Variants in RHOQ observed in about 807,000 individuals in gnomAD.
RHOQ encodes the protein rho-related GTP-binding protein RhoQ.
RHOQ carries 7 observed loss-of-function variants against 25.8 expected under a neutral mutation model. The ratio of observed to expected loss-of-function variants is 0.27; its 90% CI spans 0.15 to 0.51. The LOEUF (loss-of-function observed/expected upper bound fraction) is 0.51, where lower values mean the gene tolerates loss of function less well. Among genes scored for constraint, RHOQ ranks in the 20% least tolerant of loss-of-function variants. The probability of loss-of-function intolerance (pLI) is 0.97; values close to 1 mark genes in which losing one functional copy is unlikely to be tolerated. For missense variants in RHOQ, 165 were observed against 260.6 expected (o/e 0.63, Z 2.53); for synonymous variants, 97 against 98.6 (o/e 0.98, Z 0.10).
At chr2:46,561,355 A>G (rs1668572981) in intron 2 of RHOQ, among the ~76,000 whole-genome samples, 1 of 152,092 alleles carries the variant, frequency 6.6e-6, no homozygotes, top group African/African-American at 2.4e-5. Flanking sequence ...AGAGTATTCC[A>G]GGCCAAGAAA....
chr2:46,564,816 G>A (rs1330956946), intron 2 of RHOQ, among the ~76,000 whole-genome samples: 1 of 152,248 alleles, frequency 6.6e-6, no homozygotes, highest in African/African-American at 2.4e-5. Flanking sequence ...TGCTCTGGTA[G>A]AAGTGTCAGA....
intron 2 of RHOQ, among the ~76,000 whole-genome samples, chr2:46,544,196 C>T (rs974302593): frequency 6.6e-6 from 1 of 152,170 alleles, no homozygotes; most frequent in African/African-American, 2.4e-5. Context: ...GGTGAGTGGT[C>T]TGCCTGCCCA....
chr2:46,552,773 G>T lies in RHOQ; in HGVS notation c.201+8961G>T, dbSNP rs1236497687. The stretch of plus-strand genomic sequence containing the variant: ...GTGTTAGAAGATCTGTCAGGCACAG[G>T]CCTGGCCCCCAGAGGCACAGTGTTT... On this transcript the variant is annotated intron_variant, in intron 2 of 4. Transcript: ENST00000238738. The surrounding 1 kb of genome is among the most constrained non-coding windows in gnomAD (Gnocchi z 5.0). Among the ~76,000 whole-genome samples, 2 of 152,236 alleles carry T rather than the reference G, an allele frequency of 1.3e-5. No individual in the cohort carries two copies. The highest frequency in any genetic ancestry group is 4.8e-5 in the African/African-American group (2 of 41,454).
At chr2:46,543,230 C>T (rs1667892082) in intron 1 of RHOQ, 42 bp downstream of exon 1, 1 of 1,608,334 alleles carries the variant, frequency 6.2e-7, no homozygotes, top group Non-Finnish European at 8.5e-7. Context: ...CTCCCCGGGC[C>T]GGGAACTTTG....
intron 4 of RHOQ, among the ~76,000 whole-genome samples, chr2:46,579,147 T>C (rs988534668): frequency 6.6e-6 from 1 of 152,216 alleles, no homozygotes; most frequent in African/African-American, 2.4e-5. Context: ...CAGTATGATC[T>C]CATTTCTAGA....
rs917429531 is a variant in RHOQ, at chr2:46,543,201, ACTG to A, written c.142+17_142+19del. 3.1e-6 allele frequency: 5 copies of A among 1,610,608 alleles called. No individual in the cohort carries two copies. The highest frequency in any genetic ancestry group is 4.2e-6 in the Non-Finnish European group (5 of 1,178,770). On this transcript the variant is annotated intron_variant, in intron 1 of 4. Coordinates refer to ENST00000238738, the MANE Select transcript of RHOQ (RefSeq NM_012249.4). ...GACCACTACGCAGGTAAGCCTCGGA[ACTG>A]CTGACTAAGGGGCCGCTCCCCGGGC...
intron 2 of RHOQ, among the ~76,000 whole-genome samples, chr2:46,546,451 C>CATATATATATATATAT (rs58602087): frequency 2.1e-5 from 1 of 47,128 alleles, no homozygotes; most frequent in Non-Finnish European, 4.3e-5. Flanking sequence ...TACACATATA[C>CATATATATATATATAT]ATATATATAT....
intron 2 of RHOQ, among the ~76,000 whole-genome samples, chr2:46,549,744 G>A (rs879805538): frequency 5.9e-5 from 9 of 152,154 alleles, no homozygotes; most frequent in South Asian, 2.1e-4. Flanking sequence ...TTGCATGTAC[G>A]GAGGCTGGGC....
At chr2:46,571,396 G>A (rs184615810) in intron 2 of RHOQ, among the ~76,000 whole-genome samples, 10 of 152,314 alleles carry the variant, frequency 6.6e-5, no homozygotes, top group African/African-American at 2.4e-4. Flanking sequence ...TGGTGTCCAG[G>A]CACATTGTGG....
In RHOQ at chr2:46,555,125, C is replaced by T. The variant is rs113518694; in HGVS notation, c.201+11313C>T. On this transcript the variant is annotated intron_variant, in intron 2 of 4. Coordinates refer to ENST00000238738, the MANE Select transcript of RHOQ (RefSeq NM_012249.4). The surrounding 1 kb of genome is among the most constrained non-coding windows in gnomAD (Gnocchi z 4.3). ...TCGGACAGGGACTTCGTCCAACAGG[C>T]GAGAGCTTTGGGTATTCATCCACTG... is the stretch of plus-strand genomic sequence containing the variant. 2.8e-3 allele frequency among the ~76,000 whole-genome samples: 420 copies of T among 152,324 alleles called. 5 individuals carry two copies. The highest frequency in any genetic ancestry group is 9.5e-3 in the African/African-American group (396 of 41,568).
At chr2:46,580,764 T>C in intron 4 of RHOQ, 164 bp from the exon 5 acceptor site, 1 of 471,544 alleles carries the variant, frequency 2.1e-6, no homozygotes. Context: ...TGGAAGGACA[T>C]ATACTAGTAT....
At chr2:46,559,803 T>C (rs1668516393) in intron 2 of RHOQ, among the ~76,000 whole-genome samples, 1 of 152,172 alleles carries the variant, frequency 6.6e-6, no homozygotes, top group Admixed American at 6.5e-5. Flanking sequence ...TCTTCCCCCT[T>C]GGGCTAGTCA....
At chr2:46,545,534 C>T (rs1042866030) in intron 2 of RHOQ, among the ~76,000 whole-genome samples, 4 of 152,080 alleles carry the variant, frequency 2.6e-5, no homozygotes, top group African/African-American at 9.7e-5. Context: ...TTTATTTAGT[C>T]CATAAAACAA....
Position 46,581,787 on chromosome 2 carries a change from C to T in RHOQ, c.*704C>T. On this transcript the variant is annotated 3_prime_UTR_variant, in exon 5 of 5. Transcript: ENST00000238738. ...TTAGTTAATGTGCATTAAACTGTAA[C>T]AAGGCTTCTGGCAATTGTAGATTTA... 3.0e-6 allele frequency: 2 copies of T among 677,062 alleles called. No individual in the cohort carries two copies. The highest frequency in any genetic ancestry group is 4.3e-6 in the Non-Finnish European group (2 of 461,418). The allele number at this position is 677,062 out of a possible 1,614,324, so 41.9% of individuals were successfully genotyped here. A position where few individuals can be genotyped will look rare whatever the true frequency, so the allele number is the denominator to read the frequency against.
Position 46,581,536 on chromosome 2 carries a change from A to C in RHOQ, c.*453A>C. ...CCAGTATATCCAGAGTGGTGAAATA[A>C]CAAGGCCAGCCACGTAGCCAAAGGT... On this transcript the variant is annotated 3_prime_UTR_variant, in exon 5 of 5. Coordinates refer to ENST00000238738, the MANE Select transcript of RHOQ (RefSeq NM_012249.4). 6.2e-7 allele frequency: 1 copy of C among 1,611,686 alleles called. No individual in the cohort carries two copies. The highest frequency in any genetic ancestry group is 8.5e-7 in the Non-Finnish European group (1 of 1,179,622).
At chr2:46,579,513 G>A (rs1197636863) in intron 4 of RHOQ, among the ~76,000 whole-genome samples, 1 of 152,144 alleles carries the variant, frequency 6.6e-6, no homozygotes, top group Non-Finnish European at 1.5e-5. Context: ...TCTAAGATAT[G>A]ATTCTTCTTT....
chr2:46,549,120 A>G (rs1668161667), intron 2 of RHOQ, among the ~76,000 whole-genome samples: 1 of 151,974 alleles, frequency 6.6e-6, no homozygotes, highest in African/African-American at 2.4e-5. Context: ...CTCCACTTCC[A>G]TCATGATTCT....
intron 4 of RHOQ, among the ~76,000 whole-genome samples, chr2:46,579,670 G>A (rs762566668): frequency 6.6e-6 from 1 of 152,050 alleles, no homozygotes; most frequent in Non-Finnish European, 1.5e-5. Context: ...TGACCAACAT[G>A]GAGAAACCCC....
intron 1 of RHOQ, 150 bp from the exon 2 acceptor site, chr2:46,543,604 G>A: frequency 2.9e-6 from 2 of 689,426 alleles, no homozygotes; most frequent in Non-Finnish European, 5.2e-6. Context: ...CAGTGAGCTG[G>A]CCGCACGGGA....
Sources: gnomAD v4.1 joint callset for allele counts (sites outside exome capture counted in the v4.1 genomes callset) on GRCh38, gnomAD v4.1.1 for gene constraint, Gnocchi (gnomAD v3.1) non-coding constraint, MANE v1.5 for transcripts, NCBI Gene and HGNC (gene_info 2026-07-23, HGNC 2026-07-21) for gene names.